The following LYPD6 variants were observed in gnomAD, a reference collection of about 807,000 sequenced individuals.
The protein encoded by LYPD6 is LY6/PLAUR domain containing 6.
Under a neutral mutation model 22.7 loss-of-function variants are expected in LYPD6, and 15 were observed. The observed-to-expected ratio is 0.66, with a 90% CI of 0.44 to 1.02. The LOEUF (loss-of-function observed/expected upper bound fraction) is 1.02, where lower values mean the gene tolerates loss of function less well. LYPD6 is among the 50% of genes least tolerant of loss of function. The probability of loss-of-function intolerance (pLI) is 0.00; values close to 1 mark genes in which losing one functional copy is unlikely to be tolerated. For missense variants in LYPD6, 189 were observed against 208.4 expected (o/e 0.91, Z 0.57); for synonymous variants, 72 against 77.5 (o/e 0.93, Z 0.37).
chr2:149,429,291 T>G lies in LYPD6; in HGVS notation c.-71-8347T>G, dbSNP rs561754953. On this transcript the variant is annotated intron_variant, in intron 1 of 4. Coordinates refer to ENST00000334166, the MANE Select transcript of LYPD6 (RefSeq NM_194317.5). Reference sequence around the variant, plus strand: ...TGAAAAGAGACTTCTGGAGAATGCCTTTGGAACTGCTGGTGGCTGTAGTTT... The same window carrying G: ...TGAAAAGAGACTTCTGGAGAATGCCGTTGGAACTGCTGGTGGCTGTAGTTT... Among the ~76,000 whole-genome samples the G allele has an allele frequency of 2.6e-5, 4 of 152,306 alleles. No individual in the cohort carries two copies. The East Asian group carries it at 7.7e-4, about 29-fold the overall frequency.
At chr2:149,415,920 C>T (rs183027820) in intron 1 of LYPD6, among the ~76,000 whole-genome samples, 77 of 152,180 alleles carry the variant, frequency 5.1e-4, no homozygotes, top group Non-Finnish European at 8.2e-4. Context: ...GGGCTCAAGC[C>T]ATCTGCCCAC....
At chr2:149,330,981 G>A (rs187856161) in intron 1 of LYPD6, among the ~76,000 whole-genome samples, 169 of 152,336 alleles carry the variant, frequency 1.1e-3, no homozygotes, top group African/African-American at 4.0e-3. Flanking sequence ...CTGGCGCGTG[G>A]AGGGTGGGAT....
At chr2:149,443,230 A>G (rs1343895107) in intron 2 of LYPD6, among the ~76,000 whole-genome samples, 1 of 152,216 alleles carries the variant, frequency 6.6e-6, no homozygotes, top group Non-Finnish European at 1.5e-5. Context: ...TTAGGGTCTC[A>G]ATAAGTTTGT....
At chr2:149,370,219 A>T (rs1351024420) in intron 1 of LYPD6, among the ~76,000 whole-genome samples, 6 of 152,188 alleles carry the variant, frequency 3.9e-5, no homozygotes, top group Non-Finnish European at 8.8e-5. Context: ...CTGGTATTAC[A>T]TATGCCAGGG....
intron 3 of LYPD6, among the ~76,000 whole-genome samples, chr2:149,449,698 A>G (rs1683766338): frequency 6.6e-6 from 1 of 152,204 alleles, no homozygotes; most frequent in African/African-American, 2.4e-5. Flanking sequence ...TTCAAAATAA[A>G]TACCCATTAT....
At chr2:149,392,672 C>A (rs958515919) in intron 1 of LYPD6, among the ~76,000 whole-genome samples, 1 of 152,022 alleles carries the variant, frequency 6.6e-6, no homozygotes, top group Non-Finnish European at 1.5e-5. Context: ...CAAATTTGAC[C>A]CCCTGGGAAA....
At chr2:149,351,632 G>A (rs1444111257) in intron 1 of LYPD6, among the ~76,000 whole-genome samples, 1 of 152,194 alleles carries the variant, frequency 6.6e-6, no homozygotes, top group African/African-American at 2.4e-5. Flanking sequence ...ATTATTGAAG[G>A]TCTACCATGC....
rs150446246 is a variant in LYPD6 at position 149,401,399 on chromosome 2, G to A, written c.-71-36239G>A. ...ATGTAAGCAGAAGTGCCAGGCACAG[G>A]AGCCTTCACCATTCCCCTCTATCTT... On this transcript the variant is annotated intron_variant, in intron 1 of 4. Coordinates refer to ENST00000334166, the MANE Select transcript of LYPD6 (RefSeq NM_194317.5). Among the ~76,000 whole-genome samples, 19 of 152,310 alleles carry A rather than the reference G, an allele frequency of 1.2e-4. No homozygotes were observed. The East Asian group carries it at 3.1e-3, about 25-fold the overall frequency.
intron 1 of LYPD6, among the ~76,000 whole-genome samples, chr2:149,418,205 C>T (rs1210455569): frequency 1.3e-5 from 2 of 152,080 alleles, no homozygotes; most frequent in African/African-American, 4.8e-5. Flanking sequence ...CCAAAGGGAA[C>T]AAAGATTTCC....
intron 1 of LYPD6, among the ~76,000 whole-genome samples, chr2:149,415,521 C>G (rs1221448656): frequency 6.6e-5 from 10 of 152,058 alleles, no homozygotes; most frequent in East Asian, 5.8e-4. Context: ...AGAAATATCT[C>G]TAAGGGAAAT....
intron 3 of LYPD6, among the ~76,000 whole-genome samples, chr2:149,461,581 C>CCAAA (rs547392682): frequency 1.3e-5 from 2 of 151,658 alleles, no homozygotes; most frequent in African/African-American, 2.4e-5. Flanking sequence ...CAACACAGCA[C>CCAAA]CAAACAAACA....
intron 1 of LYPD6, among the ~76,000 whole-genome samples, chr2:149,418,907 C>A (rs1439681494): frequency 2.0e-5 from 3 of 152,212 alleles, no homozygotes; most frequent in Non-Finnish European, 4.4e-5. Flanking sequence ...ACCTTATCTT[C>A]TAACTGGCTG....
chr2:149,400,407 A>G (rs1682527038), intron 1 of LYPD6, among the ~76,000 whole-genome samples: 1 of 152,214 alleles, frequency 6.6e-6, no homozygotes, highest in Non-Finnish European at 1.5e-5. Flanking sequence ...AAACGATAAA[A>G]GGATGGGGGC....
the LYPD6 span, among the ~76,000 whole-genome samples, chr2:149,479,599 G>A: frequency 1.3e-5 from 2 of 152,066 alleles, no homozygotes; most frequent in Admixed American, 6.5e-5. Flanking sequence ...AGAAACCTGG[G>A]TTTCTCCTTC....
At chr2:149,452,802 GTTA>G (rs1243812830) in intron 3 of LYPD6, among the ~76,000 whole-genome samples, 2 of 152,190 alleles carry the variant, frequency 1.3e-5, no homozygotes, top group African/African-American at 4.8e-5. Context: ...CTTGTTTTGA[GTTA>G]TTGTTTGGCC....
chr2:149,380,981 G>T (rs991496119), intron 1 of LYPD6, among the ~76,000 whole-genome samples: 1 of 152,172 alleles, frequency 6.6e-6, no homozygotes, highest in African/African-American at 2.4e-5. Context: ...GATGTGATCT[G>T]CTGGGTCAAA....
chr2:149,410,719 A>C lies in LYPD6; in HGVS notation c.-71-26919A>C, dbSNP rs566372895. ...AGGAAACCAGCCTTCTGTGTGGATAAAACAAGGCTATTGTTCATGCGAGTC... is the reference window on the plus strand; with the variant it reads ...AGGAAACCAGCCTTCTGTGTGGATACAACAAGGCTATTGTTCATGCGAGTC... On this transcript the variant is annotated intron_variant, in intron 1 of 4. Coordinates refer to ENST00000334166, the MANE Select transcript of LYPD6 (RefSeq NM_194317.5). 4.6e-5 allele frequency among the ~76,000 whole-genome samples: 7 copies of C among 152,348 alleles called. No homozygotes were observed. In the South Asian group the frequency reaches 1.4e-3, roughly 32 times the overall value.
At chr2:149,359,053 A>G (rs1327189309) in intron 1 of LYPD6, among the ~76,000 whole-genome samples, 1 of 152,186 alleles carries the variant, frequency 6.6e-6, no homozygotes, top group Non-Finnish European at 1.5e-5. Context: ...TCCTCTATGT[A>G]ATTTTTCAGT....
At chr2:149,398,376 T>C (rs1055686176) in intron 1 of LYPD6, among the ~76,000 whole-genome samples, 3 of 151,972 alleles carry the variant, frequency 2.0e-5, no homozygotes, top group African/African-American at 7.3e-5. Context: ...TGTAGAAGAT[T>C]ATCCTTTATG....
Sources: allele counts gnomAD v4.1 joint callset (sites outside exome capture counted in the v4.1 genomes callset), GRCh38; gene constraint gnomAD v4.1.1; transcripts MANE v1.5; gene names NCBI Gene and HGNC (gene_info 2026-07-23, HGNC 2026-07-21).